Variants in NPC1 observed in about 807,000 individuals in gnomAD.
The protein encoded by NPC1 is Niemann-Pick C1 protein.
Under a neutral mutation model 140.4 loss-of-function variants are expected in NPC1, and 85 were observed. That is an observed-to-expected ratio of 0.61 (90% confidence interval 0.51 to 0.72). The LOEUF (loss-of-function observed/expected upper bound fraction) is 0.72, where lower values mean the gene tolerates loss of function less well. Among genes scored for constraint, NPC1 ranks in the 30% least tolerant of loss-of-function variants. The probability of loss-of-function intolerance (pLI) is 0.00; values close to 1 mark genes in which losing one functional copy is unlikely to be tolerated. For missense variants in NPC1, 1,504 were observed against 1,623.8 expected, an observed-to-expected ratio of 0.93 and a Z score of 1.27; for synonymous variants, 656 against 624.8, an observed-to-expected ratio of 1.05 and a Z score of -0.74.
intron 4 of NPC1, among the ~76,000 whole-genome samples, chr18:23,565,513 G>C (rs147971154): frequency 6.6e-6 from 1 of 151,956 alleles, no homozygotes; most frequent in South Asian, 2.1e-4. Flanking sequence ...GCGCCACCAC[G>C]CCCAGCTAAT....
rs1223905223 is a variant in NPC1, at chr18:23,571,930, CAT to C, written c.287+142_287+143del. 3 of 289,650 alleles carry C rather than the reference CAT, an allele frequency of 1.0e-5. No individual in the cohort carries two copies. In the Admixed American group the frequency reaches 1.4e-4, roughly 14 times the overall value. 17.9% of individuals were successfully genotyped at this position (289,650 alleles called of 1,614,324 possible). Reference sequence around the variant, plus strand: ...TATATTCACCTACTTTACATGTATACATATATGTATAAATATATAATATACAT... The same window carrying C: ...TATATTCACCTACTTTACATGTATACATATGTATAAATATATAATATACAT... On this transcript the variant is annotated intron_variant, in intron 3 of 24. Transcript: ENST00000269228.
At chr18:23,524,295 G>C, downstream of NPC1, 1 of 1,491,584 alleles carries the variant, frequency 6.7e-7, no homozygotes, top group Non-Finnish European at 9.3e-7. Context: ...CCCGCAGGCA[G>C]CTTCCCTGAC....
chr18:23,531,890 T>A lies in NPC1; in HGVS notation c.*312A>T, dbSNP rs530128100. On this transcript the variant is annotated 3_prime_UTR_variant, in exon 25 of 25. Transcript: ENST00000269228. ...GACAGACAGTGCATTGATTGGCCTT[T>A]ACAGAGTGTCAGTGAGCGGATCACA... 7.0e-7 allele frequency: 1 copy of A among 1,421,376 alleles called. No individual in the cohort carries two copies. The highest frequency in any genetic ancestry group is 1.4e-5 in the African/African-American group (1 of 69,626). The allele number at this position is 1,421,376 out of a possible 1,614,324, so 88.0% of individuals were successfully genotyped here.
At chr18:23,544,914 C>T (rs765449930) in intron 12 of NPC1, 46 bp downstream of exon 12, 2 of 1,311,602 alleles carry the variant, frequency 1.5e-6, no homozygotes, top group Admixed American at 1.7e-5. Flanking sequence ...TTACACTGTG[C>T]ACTGCTGTTA....
chr18:23,512,056 CGT>C (rs1192174040), intron 3 of NPC1, among the ~76,000 whole-genome samples: 5 of 148,540 alleles, frequency 3.4e-5, no homozygotes, highest in Non-Finnish European at 7.4e-5. Flanking sequence ...AGTCTCACTC[CGT>C]CGCCCAGGCT....
chr18:23,584,327 G>A (rs2059390244), intron 1 of NPC1, among the ~76,000 whole-genome samples: 1 of 152,162 alleles, frequency 6.6e-6, no homozygotes, highest in African/African-American at 2.4e-5. Flanking sequence ...CTCCCAATCT[G>A]TTTGGCTTCA....
chr18:23,561,216 T>G (rs1378974746), intron 5 of NPC1, 144 bp downstream of exon 5: 1 of 831,164 alleles, frequency 1.2e-6, no homozygotes, highest in Non-Finnish European at 2.1e-6. Flanking sequence ...CTCACTACAT[T>G]GCCCAGGCTG....
At chr18:23,570,923 C>G (rs1461431130) in intron 3 of NPC1, among the ~76,000 whole-genome samples, 1 of 152,138 alleles carries the variant, frequency 6.6e-6, no homozygotes, top group Non-Finnish European at 1.5e-5. Context: ...AACCCTTCAC[C>G]AGAGGGAGGG....
chr18:23,524,850 C>T (rs867558671), downstream of NPC1, among the ~76,000 whole-genome samples: 4 of 150,778 alleles, frequency 2.7e-5, no homozygotes, highest in Non-Finnish European at 5.9e-5. Flanking sequence ...TGCATGAGCC[C>T]GGGAGGTGTG....
downstream of NPC1, chr18:23,528,066 T>G (rs1222910470): frequency 1.7e-6 from 1 of 572,024 alleles, no homozygotes; most frequent in Non-Finnish European, 3.0e-6. Flanking sequence ...AGTGGAGGAG[T>G]AGTAAATTCA....
chr18:23,530,140 T>C (rs1272739277), downstream of NPC1: 3 of 1,613,776 alleles, frequency 1.9e-6, no homozygotes, highest in African/African-American at 2.7e-5. Flanking sequence ...TTGGTATGCA[T>C]TGCCAGATTT....
At chr18:23,532,832 T>C (rs1363808523) in intron 24 of NPC1, 1 of 970,594 alleles carries the variant, frequency 1.0e-6, no homozygotes, top group Admixed American at 6.2e-5. Context: ...GACAAAGCTA[T>C]AAATGAAGCA....
At position 23,508,307 on chromosome 18, in the gene NPC1, G is replaced by A. The variant is rs549137423; in HGVS notation, c.432-1665C>T. Among the ~76,000 whole-genome samples the A allele has an allele frequency of 7.9e-5, 12 of 152,272 alleles. No individual in the cohort carries two copies. The South Asian group carries it at 2.1e-3, about 26-fold the overall frequency. ...AGTAGTGCTAGCCCTTGGGGCTGTCGTCTGTCTTGCCCTTTTTCTCCTCAC... is the reference window on the plus strand; with the variant it reads ...AGTAGTGCTAGCCCTTGGGGCTGTCATCTGTCTTGCCCTTTTTCTCCTCAC... On this transcript the variant is annotated intron_variant, in intron 3 of 3. Coordinates refer to the NPC1 transcript ENST00000591107.
intron 1 of NPC1, among the ~76,000 whole-genome samples, chr18:23,523,228 T>A (rs540779608): frequency 6.6e-6 from 1 of 152,236 alleles, no homozygotes; most frequent in African/African-American, 2.4e-5. Flanking sequence ...ACCTGCCTTC[T>A]GATTGTACCT....
At chr18:23,520,424 T>C (rs2058113090), downstream of NPC1, 1 of 890,478 alleles carries the variant, frequency 1.1e-6, no homozygotes, top group Non-Finnish European at 1.7e-6. Context: ...AAACAGAGAT[T>C]CCCAGATCTG....
At chr18:23,554,069 G>A (rs989743331) in intron 9 of NPC1, among the ~76,000 whole-genome samples, 17 of 152,150 alleles carry the variant, frequency 1.1e-4, no homozygotes, top group Non-Finnish European at 2.4e-4. Context: ...AGAGGCAGCT[G>A]CACTCCTCAA....
intron 3 of NPC1, among the ~76,000 whole-genome samples, chr18:23,570,487 G>GA (rs1454505087): frequency 2.6e-5 from 4 of 152,128 alleles, no homozygotes; most frequent in Admixed American, 2.0e-4. Context: ...TTGTTGTTCT[G>GA]AAAAAACAAT....
chr18:23,570,814 A>T (rs2059190909), intron 3 of NPC1, among the ~76,000 whole-genome samples: 1 of 152,148 alleles, frequency 6.6e-6, no homozygotes. Context: ...CCAACAGAAC[A>T]GATAAAAAAC....
Position 23,557,172 on chromosome 18 carries a change from G to C in NPC1, c.900C>G (p.Ser300=). 6.2e-7 allele frequency: 1 copy of C among 1,613,240 alleles called. No homozygotes were observed. Among genetic ancestry groups the C allele is most frequent in the Non-Finnish European group, 8.5e-7 (1 of 1,179,628 alleles). ...TATTGCTATCGATGGGAGTGTACTC[G>C]GAGACAAAATACCGTTTTCTGAAAA... ...VWCYRKRYFV[S]EYTPIDSNIA... Residue 300 remains serine, a synonymous_variant, in exon 7 of 25, where the codon TCC becomes TCG. Transcript: ENST00000269228.
Sources: allele counts gnomAD v4.1 joint callset (sites outside exome capture counted in the v4.1 genomes callset), GRCh38; gene constraint gnomAD v4.1.1; transcripts MANE v1.5; gene names NCBI Gene and HGNC (gene_info 2026-07-23, HGNC 2026-07-21).